Variants in PDE4B observed in about 807,000 individuals in gnomAD.
PDE4B encodes 3',5'-cyclic-AMP phosphodiesterase 4B.
In PDE4B, 20 loss-of-function variants were observed where a neutral mutation model predicts 82.2. The ratio of observed to expected loss-of-function variants is 0.24; its 90% confidence interval spans 0.17 to 0.35. The LOEUF (loss-of-function observed/expected upper bound fraction) is 0.35, where lower values mean the gene tolerates loss of function less well. Ranked by LOEUF, PDE4B falls within the 10% of genes least tolerant of loss-of-function variation. The pLI is 1.00. For synonymous variants in PDE4B, 320 were observed against 318.9 expected (o/e 1.00, Z -0.04); for missense variants, 655 against 907.2 (o/e 0.72, Z 3.57).
chr1:65,959,312 T>C (rs1649428863), intron 3 of PDE4B, among the ~76,000 whole-genome samples: 1 of 152,216 alleles, frequency 6.6e-6, no homozygotes, highest in South Asian at 2.1e-4. Flanking sequence ...TTGTGTTTGA[T>C]AGTGTGTATG....
intron 7 of PDE4B, among the ~76,000 whole-genome samples, chr1:66,331,408 A>G (rs762807849): frequency 6.6e-6 from 1 of 152,198 alleles, no homozygotes; most frequent in Non-Finnish European, 1.5e-5. Flanking sequence ...TTCATCTAGC[A>G]TTTATAAAGT....
In PDE4B at chr1:66,345,729, T is replaced by C. The variant is rs139333219; in HGVS notation, c.748-9798T>C. Among the ~76,000 whole-genome samples the C allele has an allele frequency of 2.4e-4, 37 of 152,344 alleles. No individual in the cohort carries two copies. The East Asian group carries it at 7.1e-3, about 29-fold the overall frequency. On this transcript the variant is annotated intron_variant, in intron 8 of 16. Coordinates refer to ENST00000341517, the MANE Select transcript of PDE4B (RefSeq NM_002600.4). ...CTGTTTCCTGTTGTGCGGCAATGGC[T>C]ACATGTAGGGGCCTGCCATGCCTAA...
In PDE4B at chr1:66,203,586, G is replaced by A. The variant is rs1178558907; in HGVS notation, c.282-43874G>A. Among the ~76,000 whole-genome samples the A allele has an allele frequency of 7.2e-5, 11 of 151,810 alleles. 1 individual carries two copies. Among genetic ancestry groups the A allele is most frequent in the South Asian group, 4.2e-4 (2 of 4,802 alleles). Reference sequence around the variant, plus strand: ...TTCTCTTAACTTCCCTTCTTGCTTCGTTTCATTCATTTCATCTTCCATCAC... The same window carrying A: ...TTCTCTTAACTTCCCTTCTTGCTTCATTTCATTCATTTCATCTTCCATCAC... On this transcript the variant is annotated intron_variant, in intron 3 of 16. Transcript: ENST00000341517.
In PDE4B at chr1:66,110,617, G is replaced by T. The variant is rs369359371; in HGVS notation, c.282-136843G>T. On this transcript the variant is annotated intron_variant, in intron 3 of 16. Transcript: ENST00000341517. ...CTGAAATTTAACCATCTGTGTTTTT[G>T]TCTTGCTTCCACAATAACAGCTGGG... 5.3e-5 allele frequency among the ~76,000 whole-genome samples: 8 copies of T among 152,154 alleles called. 2 individuals are homozygous for T. The highest frequency in any genetic ancestry group is 1.9e-4 in the East Asian group (1 of 5,184).
At chr1:65,970,727 A>G (rs1200869918) in intron 3 of PDE4B, among the ~76,000 whole-genome samples, 5 of 152,132 alleles carry the variant, frequency 3.3e-5, no homozygotes, top group Non-Finnish European at 7.4e-5. Context: ...ACATTCGATT[A>G]GGTCTTGGGG....
intron 3 of PDE4B, among the ~76,000 whole-genome samples, chr1:65,930,923 G>A (rs762042177): frequency 4.6e-5 from 7 of 152,170 alleles, no homozygotes; most frequent in Non-Finnish European, 1.0e-4. Flanking sequence ...GGGGCAGAAT[G>A]ATGTGGTTTG....
chr1:66,012,124 C>T (rs1652519449), intron 3 of PDE4B, among the ~76,000 whole-genome samples: 1 of 151,994 alleles, frequency 6.6e-6, no homozygotes, highest in Non-Finnish European at 1.5e-5. Context: ...ATTTTTTTAG[C>T]CAAGTGTTCA....
rs1483453520 is a variant in PDE4B at position 65,905,851 on chromosome 1, T to A, written c.-70-7394T>A. Among the ~76,000 whole-genome samples, 7 of 152,148 alleles carry A rather than the reference T, an allele frequency of 4.6e-5. No individual in the cohort carries two copies. The East Asian group carries it at 1.3e-3, about 29-fold the overall frequency. Reference sequence around the variant, plus strand: ...AAGGTGTTCAGTATTGTAGGATGAATAAGCGTTGATTCTCCTCTCCTAAGA... The same window carrying A: ...AAGGTGTTCAGTATTGTAGGATGAAAAAGCGTTGATTCTCCTCTCCTAAGA... On this transcript the variant is annotated intron_variant, in intron 1 of 16. Transcript: ENST00000341517.
At chr1:66,217,944 T>C (rs1231190809) in intron 3 of PDE4B, among the ~76,000 whole-genome samples, 1 of 152,062 alleles carries the variant, frequency 6.6e-6, no homozygotes, top group Non-Finnish European at 1.5e-5. Context: ...TAAGAAGACA[T>C]TGAAGGATGT....
intron 3 of PDE4B, among the ~76,000 whole-genome samples, chr1:65,970,196 A>T (rs529250060): frequency 4.0e-5 from 6 of 150,738 alleles, no homozygotes; most frequent in African/African-American, 1.5e-4. Flanking sequence ...CTAAGAATTT[A>T]TGAGAATTTA....
chr1:65,888,835 A>G (rs1646821100), intron 1 of PDE4B, among the ~76,000 whole-genome samples: 1 of 151,960 alleles, frequency 6.6e-6, no homozygotes, highest in Non-Finnish European at 1.5e-5. Context: ...AATTTATTAG[A>G]TCTCAGTTTT....
At chr1:66,174,011 T>A (rs879816218) in intron 3 of PDE4B, among the ~76,000 whole-genome samples, 6 of 152,192 alleles carry the variant, frequency 3.9e-5, no homozygotes, top group African/African-American at 4.8e-5. Flanking sequence ...GGTCTCAAAC[T>A]CCTGGGCTCA....
At chr1:66,320,241 A>G (rs1438246853) in intron 7 of PDE4B, among the ~76,000 whole-genome samples, 1 of 151,912 alleles carries the variant, frequency 6.6e-6, no homozygotes, top group Non-Finnish European at 1.5e-5. Flanking sequence ...CTTTCTTATG[A>G]CAGCTATAAA....
chr1:66,021,640 C>G (rs896043442), intron 3 of PDE4B, among the ~76,000 whole-genome samples: 8 of 152,032 alleles, frequency 5.3e-5, no homozygotes, highest in African/African-American at 1.7e-4. Context: ...GGTATTATTT[C>G]TGAGGGCTCT....
At chr1:66,231,650 G>T (rs572266371) in intron 3 of PDE4B, among the ~76,000 whole-genome samples, 33 of 152,212 alleles carry the variant, frequency 2.2e-4, no homozygotes, top group Non-Finnish European at 4.4e-4. Flanking sequence ...AAATTTGAAG[G>T]CAGTAACTAT....
At chr1:66,246,448 C>G (rs1192669918) in intron 3 of PDE4B, among the ~76,000 whole-genome samples, 1 of 152,202 alleles carries the variant, frequency 6.6e-6, no homozygotes, top group Non-Finnish European at 1.5e-5. Context: ...AGCCCCATAT[C>G]TTTTGTTCAC....
At chr1:66,022,548 G>A (rs1440587055) in intron 3 of PDE4B, among the ~76,000 whole-genome samples, 2 of 152,134 alleles carry the variant, frequency 1.3e-5, no homozygotes, top group African/African-American at 4.8e-5. Context: ...GGCCCTTTCT[G>A]CATCTATTGT....
At chr1:66,099,495 C>CTACCAATGAAGT (rs1474029551) in intron 3 of PDE4B, among the ~76,000 whole-genome samples, 1 of 152,038 alleles carries the variant, frequency 6.6e-6, no homozygotes, top group Non-Finnish European at 1.5e-5. Context: ...AGTTTTGACT[C>CTACCAATGAAGT]TTATTTCAAC....
At chr1:66,341,706 C>T (rs1478297907) in intron 8 of PDE4B, among the ~76,000 whole-genome samples, 1 of 152,138 alleles carries the variant, frequency 6.6e-6, no homozygotes, top group Non-Finnish European at 1.5e-5. Context: ...CTCTCTGAAA[C>T]TGAAGATGAT....
Sources: allele counts gnomAD v4.1 joint callset (sites outside exome capture counted in the v4.1 genomes callset), GRCh38; gene constraint gnomAD v4.1.1; transcripts MANE v1.5; gene names NCBI Gene and HGNC (gene_info 2026-07-23, HGNC 2026-07-21).